The following CENPE variants were observed in gnomAD, a reference collection of about 807,000 sequenced individuals.
The protein encoded by CENPE is centromere protein E.
CENPE carries 145 observed loss-of-function variants against 336.1 expected under a neutral mutation model. That is an observed-to-expected ratio of 0.43 (90% CI 0.38 to 0.50). The LOEUF (loss-of-function observed/expected upper bound fraction) is 0.50. CENPE is among the 20% of genes least tolerant of loss of function. The pLI is 0.00. For missense variants in CENPE, 2,719 were observed against 3,023.3 expected (o/e 0.90, Z 2.36); for synonymous variants, 1,013 against 984.8 (o/e 1.03, Z -0.54).
At chr4:103,158,249 A>T in intron 24 of CENPE, 51 bp downstream of exon 24, 1 of 1,347,074 alleles carries the variant, frequency 7.4e-7, no homozygotes, top group Non-Finnish European at 1.0e-6. Flanking sequence ...ATTTGAGGTT[A>T]AAGAGTATAT....
At position 103,185,723 on chromosome 4, in the gene CENPE, T is replaced by C. The variant is rs1756711597; in HGVS notation, c.745+87A>G. ...ATTAATAATGAATATAATTACTTTA[T>C]CAATTTCTAAAAATGCCTGGTAGTA... On this transcript the variant is annotated intron_variant, in intron 9 of 48. Transcript: ENST00000265148. 1.1e-4 allele frequency: 80 copies of C among 720,208 alleles called. No homozygotes were observed. The South Asian group carries it at 1.7e-3, about 15-fold the overall frequency. 44.6% of individuals were successfully genotyped at this position (720,208 alleles called of 1,614,324 possible).
At chr4:103,140,700 G>GGACA (rs1752477608) in intron 36 of CENPE, 114 bp downstream of exon 36, 1 of 815,320 alleles carries the variant, frequency 1.2e-6, no homozygotes, top group Non-Finnish European at 1.9e-6. Flanking sequence ...TATTATTGGT[G>GGACA]GACACTTAGA....
intron 25 of CENPE, among the ~76,000 whole-genome samples, chr4:103,152,136 C>CAA (rs11386251): frequency 2.7e-5 from 4 of 147,896 alleles, no homozygotes; most frequent in East Asian, 3.9e-4. Flanking sequence ...ATTATGACAG[C>CAA]AAAAAAAAAG....
At chr4:103,157,046 G>C (rs903340665) in intron 24 of CENPE, among the ~76,000 whole-genome samples, 5 of 139,352 alleles carry the variant, frequency 3.6e-5, no homozygotes, top group Admixed American at 3.0e-4. Flanking sequence ...ACATCCATTA[G>C]GATGGCTACT....
At chr4:103,187,812 T>G (rs551052096) in intron 8 of CENPE, among the ~76,000 whole-genome samples, 6 of 152,272 alleles carry the variant, frequency 3.9e-5, no homozygotes, top group East Asian at 1.9e-4. Context: ...TAACTTTAAA[T>G]GTAAATAGGC....
chr4:103,116,536 T>G (rs754146121), intron 45 of CENPE, 41 bp downstream of exon 45: 7 of 971,856 alleles, frequency 7.2e-6, no homozygotes, highest in Non-Finnish European at 1.1e-5. Context: ...GGAAGAAAAT[T>G]TAAGCTATTA....
At chr4:103,127,019 G>A (rs188679527) in intron 42 of CENPE, among the ~76,000 whole-genome samples, 3 of 148,198 alleles carry the variant, frequency 2.0e-5, no homozygotes, top group East Asian at 2.0e-4. Flanking sequence ...AAGTAATAAC[G>A]ACTAAGAATT....
chr4:103,107,604 C>T (rs1453193210), intron 48 of CENPE, among the ~76,000 whole-genome samples: 3 of 152,136 alleles, frequency 2.0e-5, no homozygotes, highest in Non-Finnish European at 4.4e-5. Context: ...GCCGTGTTAC[C>T]GTTTCTCCTG....
Position 103,160,607 on chromosome 4 carries a change from G to C in CENPE, c.2286+18C>G. ...TTTTATTTCAAAATAAGGGATAAGT[G>C]CTTATAAATGTGTTTACCTCTTTCC... On this transcript the variant is annotated intron_variant, in intron 21 of 48. Transcript: ENST00000265148. The C allele has an allele frequency of 6.3e-7, 1 of 1,589,276 alleles. No individual in the cohort carries two copies.
At chr4:103,189,929 G>A (rs1250515274) in intron 8 of CENPE, among the ~76,000 whole-genome samples, 1 of 152,144 alleles carries the variant, frequency 6.6e-6, no homozygotes, top group Admixed American at 6.5e-5. Flanking sequence ...AGGCTGATAA[G>A]CAACTTCAGC....
At chr4:103,112,623 T>G (rs1176372802) in intron 46 of CENPE, among the ~76,000 whole-genome samples, 1 of 133,248 alleles carries the variant, frequency 7.5e-6, no homozygotes, top group Non-Finnish European at 1.5e-5. Context: ...TATATATACT[T>G]GTAAGTATAT....
chr4:103,155,349 G>A (rs1241583087), intron 24 of CENPE, among the ~76,000 whole-genome samples: 1 of 151,836 alleles, frequency 6.6e-6, no homozygotes, highest in Non-Finnish European at 1.5e-5. Context: ...TCACTCTGTC[G>A]CCCAAGCTGG....
chr4:103,149,039 C>T, intron 27 of CENPE, 40 bp from the exon 28 acceptor site: 1 of 1,596,550 alleles, frequency 6.3e-7, no homozygotes, highest in Non-Finnish European at 8.5e-7. Flanking sequence ...AATATTCTTC[C>T]AACATTGCTC....
In CENPE at chr4:103,158,415, A is replaced by G; in HGVS notation, c.2918T>C (p.Leu973Pro). ...QEQLRNALESLKQHQETINTL... is the reference protein window; with the variant it reads ...QEQLRNALESPKQHQETINTL... The stretch of plus-strand genomic sequence containing the variant: ...ATTAATTGTTTCTTGATGTTGTTTC[A>G]GAGACTCAAGAGCATTTCGTAATTG... The change falls in exon 24 of 49, where the codon CTG becomes CCG. Residue 973 changes from leucine (L) to proline (P), a missense_variant. By Grantham distance (98) the Leu-to-Pro change is moderately conservative. Coordinates refer to ENST00000265148, the MANE Select transcript of CENPE (RefSeq NM_001813.3). The G allele has an allele frequency of 1.2e-6, 2 of 1,603,388 alleles. No individual in the cohort carries two copies. Among genetic ancestry groups the G allele is most frequent in the Non-Finnish European group, 1.7e-6 (2 of 1,175,018 alleles).
At position 103,176,772 on chromosome 4, in the gene CENPE, T is replaced by C. The variant is rs1286949426; in HGVS notation, c.1390+127A>G. 2.5e-5 allele frequency: 17 copies of C among 691,690 alleles called. No homozygotes were observed. The South Asian group carries it at 5.2e-4, about 21-fold the overall frequency. 42.8% of individuals were successfully genotyped at this position (691,690 alleles called of 1,614,324 possible). A position where few individuals can be genotyped will look rare whatever the true frequency, so the allele number is the denominator to read the frequency against. ...TACTTATTTTAAATCATAGTCTCCA[T>C]TGTAATCACATATGAAATACACAGT... On this transcript the variant is annotated intron_variant, in intron 14 of 48. Coordinates refer to ENST00000265148, the MANE Select transcript of CENPE (RefSeq NM_001813.3).
chr4:103,144,335 G>T lies in CENPE; in HGVS notation c.5141C>A (p.Thr1714Asn). 1 of 1,601,362 alleles carries T rather than the reference G, an allele frequency of 6.2e-7. No homozygotes were observed. The highest frequency in any genetic ancestry group is 8.5e-7 in the Non-Finnish European group (1 of 1,175,746). Residue 1714 changes from threonine (T) to asparagine (N), a missense_variant, in exon 33 of 49, where the codon ACT becomes AAT. Around this residue, in one of 5 missense-constraint regions of CENPE, gnomAD observed 2,437 missense variants for 2,513.3 expected, o/e 0.97. Coordinates refer to ENST00000265148, the MANE Select transcript of CENPE (RefSeq NM_001813.3). ...TGTAGAGAGATGGTAACTCACTCTAGTTATAGTTTCTCTAAGGTTTTCCTT... is the reference window on the plus strand; with the variant it reads ...TGTAGAGAGATGGTAACTCACTCTATTTATAGTTTCTCTAAGGTTTTCCTT... ...QLKENLRETI[T>N]RDLEKQEELK...
At chr4:103,112,018 A>G (rs905791394) in intron 46 of CENPE, among the ~76,000 whole-genome samples, 1 of 151,790 alleles carries the variant, frequency 6.6e-6, no homozygotes, top group Non-Finnish European at 1.5e-5. Context: ...ATGTATATAC[A>G]CTTTTTTAAA....
At chr4:103,188,646 T>C (rs1029261578) in intron 8 of CENPE, among the ~76,000 whole-genome samples, 3 of 151,902 alleles carry the variant, frequency 2.0e-5, no homozygotes, top group African/African-American at 4.8e-5. Flanking sequence ...TAAAGCAGTG[T>C]GTAGAGGGAA....
At chr4:103,195,411 T>A (rs933676840) in intron 4 of CENPE, among the ~76,000 whole-genome samples, 178 bp from the exon 5 acceptor site, 2 of 152,012 alleles carry the variant, frequency 1.3e-5, no homozygotes, top group Non-Finnish European at 2.9e-5. Flanking sequence ...ACAGAAATAA[T>A]GAAAAGTGAA....
Sources: allele counts gnomAD v4.1 joint callset (sites outside exome capture counted in the v4.1 genomes callset), GRCh38; gene constraint gnomAD v4.1.1; regional missense constraint gnomAD v4.1.1; transcripts MANE v1.5; gene names NCBI Gene and HGNC (gene_info 2026-07-23, HGNC 2026-07-21).